The following CEP68 variants were observed in gnomAD, a reference collection of about 807,000 sequenced individuals.
CEP68 encodes centrosomal protein of 68 kDa.
In CEP68, 26 loss-of-function variants were observed where a neutral mutation model predicts 55.3. The observed-to-expected ratio is 0.47, with a 90% CI of 0.34 to 0.65. CEP68 has a LOEUF of 0.65. Among genes scored for constraint, CEP68 ranks in the 30% least tolerant of loss-of-function variants. CEP68 has a pLI of 0.01. For missense variants in CEP68, 957 were observed against 946.7 expected, an observed-to-expected ratio of 1.01 and a Z score of -0.14; for synonymous variants, 402 against 383.2, an observed-to-expected ratio of 1.05 and a Z score of -0.57.
chr2:65,063,724 T>A (rs1676019806), intron 1 of CEP68, among the ~76,000 whole-genome samples: 1 of 152,188 alleles, frequency 6.6e-6, no homozygotes, highest in Non-Finnish European at 1.5e-5. Context: ...GCAGACAGGG[T>A]TGAGTCCTAG....
chr2:65,078,677 G>C (rs1299967324), intron 5 of CEP68, among the ~76,000 whole-genome samples: 1 of 152,206 alleles, frequency 6.6e-6, no homozygotes, highest in Non-Finnish European at 1.5e-5. Context: ...GAGTAGCTGG[G>C]ATTACAGGCA....
Position 65,063,652 on chromosome 2 carries a change from T to G in CEP68, c.-46-5747T>G, listed in dbSNP as rs571401053. On this transcript the variant is annotated intron_variant, in intron 1 of 6. Transcript: ENST00000377990. ...GTTAGGAGGAATGATGTGTAAAATC[T>G]CGGATCTATGGAAATGAAGACCAGA... 1.1e-4 allele frequency among the ~76,000 whole-genome samples: 17 copies of G among 152,302 alleles called. No homozygotes were observed. In the South Asian group the frequency reaches 3.5e-3, roughly 32 times the overall value.
intron 4 of CEP68, 159 bp downstream of exon 4, chr2:65,074,563 A>G: frequency 9.5e-7 from 1 of 1,047,702 alleles, no homozygotes; most frequent in South Asian, 1.3e-5. Context: ...TTAAAGCGGA[A>G]CGCTTTGTAA....
rs758953430 is a variant in CEP68 at position 65,072,573 on chromosome 2, T to G, written c.1477T>G (p.Ser493Ala). 1.2e-6 allele frequency: 2 copies of G among 1,613,938 alleles called. No individual in the cohort carries two copies. The highest frequency in any genetic ancestry group is 2.7e-5 in the African/African-American group (2 of 74,878). Residue 493 changes from serine to alanine, a missense_variant, in exon 3 of 7, where the codon TCT (serine) becomes GCT (alanine). Physicochemically the swap from Ser to Ala is moderately conservative, Grantham distance 99 (BLOSUM62 1). Transcript: ENST00000377990. ...LALPARLTQV[S>A]SLVSYLGSIS... Reference sequence around the variant, plus strand: ...CCTCCCCGCTCGGCTGACACAGGTTTCTAGCCTGGTTTCGTATCTAGGATC... The same window carrying G: ...CCTCCCCGCTCGGCTGACACAGGTTGCTAGCCTGGTTTCGTATCTAGGATC...
chr2:65,078,007 T>C (rs770698622), intron 5 of CEP68, 43 bp downstream of exon 5: 1 of 1,489,298 alleles, frequency 6.7e-7, no homozygotes, highest in African/African-American at 1.4e-5. Flanking sequence ...GCTTAATCCC[T>C]GTCAGCAGCA....
intron 3 of CEP68, 174 bp downstream of exon 3, chr2:65,073,154 C>G: frequency 2.6e-6 from 2 of 781,432 alleles, no homozygotes; most frequent in South Asian, 3.0e-5. Context: ...AAGCACTGTT[C>G]TCATTTTACT....
chr2:65,080,400 A>G (rs1315912202), intron 5 of CEP68: 2 of 985,236 alleles, frequency 2.0e-6, no homozygotes, highest in African/African-American at 3.5e-5. Flanking sequence ...TGCAAAACTT[A>G]ACTTTTCTTC....
chr2:65,075,356 T>A (rs1676713162), intron 4 of CEP68: 1 of 151,780 alleles, frequency 6.6e-6, no homozygotes, highest in Admixed American at 6.6e-5. Context: ...TGAGCCAAAA[T>A]CACACCACTG....
At chr2:65,075,266 A>T (rs1289512629) in intron 4 of CEP68, 1 of 151,882 alleles carries the variant, frequency 6.6e-6, no homozygotes, top group East Asian at 1.9e-4. Flanking sequence ...AAAAAAAAAA[A>T]AAAAACATAA....
chr2:65,063,359 T>C (rs1676003555), intron 1 of CEP68, among the ~76,000 whole-genome samples: 1 of 152,240 alleles, frequency 6.6e-6, no homozygotes, highest in Admixed American at 6.5e-5. Context: ...TGATGTCTCC[T>C]GTCATTCAGT....
At chr2:65,058,899 G>A (rs1675781318) in intron 1 of CEP68, among the ~76,000 whole-genome samples, 1 of 152,090 alleles carries the variant, frequency 6.6e-6, no homozygotes, top group South Asian at 2.1e-4. Context: ...TATGTGTCTG[G>A]AGTCTCACCA....
chr2:65,078,359 AT>A (rs1376701060), intron 5 of CEP68, among the ~76,000 whole-genome samples: 2 of 152,132 alleles, frequency 1.3e-5, no homozygotes, highest in African/African-American at 4.8e-5. Context: ...CCCAGGTTGA[AT>A]TCCTCTCTGA....
intron 5 of CEP68, among the ~76,000 whole-genome samples, chr2:65,082,259 CATA>C (rs1455432573): frequency 6.6e-6 from 1 of 152,278 alleles, no homozygotes; most frequent in East Asian, 1.9e-4. Flanking sequence ...ATCAGAAAAC[CATA>C]ATATCTCTGT....
In CEP68 at chr2:65,069,704, A is replaced by G. The variant is rs200745262; in HGVS notation, c.260A>G (p.Asn87Ser). ...RAHQPQASDA[N>S]REPVAERSEP... The stretch of plus-strand genomic sequence containing the variant: ...CACCAGCCACAGGCCAGTGATGCCA[A>G]CAGAGAGCCCGTAGCTGAGAGGTCT... The change falls in exon 2 of 7, where the codon AAC becomes AGC. Residue 87 changes from asparagine (N) to serine (S), a missense_variant. Asn to Ser is a conservative substitution (Grantham distance 46). Transcript: ENST00000377990. The G allele has an allele frequency of 7.4e-5, 119 of 1,614,114 alleles. No homozygotes were observed. In the East Asian group the frequency reaches 2.6e-3, roughly 35 times the overall value.
Position 65,072,363 on chromosome 2 carries a change from G to C in CEP68, c.1267G>C (p.Asp423His), listed in dbSNP as rs1248849929. 6.2e-7 allele frequency: 1 copy of C among 1,613,940 alleles called. No individual in the cohort carries two copies. Among genetic ancestry groups the C allele is most frequent in the Admixed American group, 1.7e-5 (1 of 60,026 alleles). ...RREPALRGAK[D>H]RLTIGKHLDM... ...AGAGCCAGCCCTGAGGGGTGCGAAG[G>C]ACCGGCTGACTATAGGCAAGCACCT... Residue 423 changes from aspartate (D) to histidine (H), a missense_variant, in exon 3 of 7, where the codon GAC (aspartate) becomes CAC (histidine). By Grantham distance (81) the Asp-to-His change is moderately conservative. Transcript: ENST00000377990.
rs750439236 is a variant in CEP68, at chr2:65,071,865, G to T, written c.769G>T (p.Gly257Cys). 1.2e-6 allele frequency: 2 copies of T among 1,608,668 alleles called. No homozygotes were observed. Among genetic ancestry groups the T allele is most frequent in the East Asian group, 4.5e-5 (2 of 44,842 alleles). ...GTCACCACAGCCTGTGTTCTCTGGG[G>T]GTGATGCTTCTGGGCTAGGCAGGAG... ...QWSPQPVFSG[G>C]DASGLGRRRL... Residue 257 changes from glycine to cysteine, a missense_variant, in exon 3 of 7, where the codon GGT becomes TGT. Physicochemically the swap from Gly to Cys is radical, Grantham distance 159. Coordinates refer to ENST00000377990, the MANE Select transcript of CEP68 (RefSeq NM_015147.3).
chr2:65,064,712 CGAAAAAGCGA>C (rs1558556097), intron 1 of CEP68, among the ~76,000 whole-genome samples: 1 of 134,102 alleles, frequency 7.5e-6, no homozygotes, highest in African/African-American at 2.9e-5. Flanking sequence ...CCAGCCTTGG[CGAAAAAGCGA>C]GACTCCGTCT....
chr2:65,062,452 G>GAACCC lies in CEP68; in HGVS notation c.-47+5925_-47+5929dup, dbSNP rs1675956426. 2.7e-5 allele frequency among the ~76,000 whole-genome samples: 4 copies of GAACCC among 147,968 alleles called. No individual in the cohort carries two copies. In the South Asian group the frequency reaches 8.8e-4, roughly 32 times the overall value. On this transcript the variant is annotated intron_variant, in intron 1 of 6. Coordinates refer to ENST00000377990, the MANE Select transcript of CEP68 (RefSeq NM_015147.3). ...GGAGGCTAAGCCAGGAGAATTGCTT[G>GAACCC]AACCCGGGAGGCAGAGGTTGCAATG...
Position 65,074,414 on chromosome 2 carries a change from G to C in CEP68, c.2007+10G>C, listed in dbSNP as rs572089458. 1 of 1,613,850 alleles carries C rather than the reference G, an allele frequency of 6.2e-7. No homozygotes were observed. Among genetic ancestry groups the C allele is most frequent in the Admixed American group, 1.7e-5 (1 of 59,992 alleles). On this transcript the variant is annotated intron_variant, in intron 4 of 6. Transcript: ENST00000377990. ...TCTGCAGCTTTACCGGGTAATATGC[G>C]GTCCTGGCTCTGGCTTGTTCCCTCA...
Sources: gnomAD v4.1 joint callset for allele counts (sites outside exome capture counted in the v4.1 genomes callset) on GRCh38, gnomAD v4.1.1 for gene constraint, MANE v1.5 for transcripts, NCBI Gene and HGNC (gene_info 2026-07-23, HGNC 2026-07-21) for gene names.